USP32: variants seen among roughly 807,000 people sequenced by gnomAD.
The protein encoded by USP32 is ubiquitin specific peptidase 32, also known as ubiquitin carboxyl-terminal hydrolase 32.
USP32 carries 59 observed loss-of-function variants against 204.8 expected under a neutral mutation model. The observed-to-expected ratio is 0.29, with a 90% CI of 0.23 to 0.36. The LOEUF (loss-of-function observed/expected upper bound fraction) is 0.36. Among genes scored for constraint, USP32 ranks in the 10% least tolerant of loss-of-function variants. The pLI is 1.00. For synonymous variants in USP32, 517 were observed against 678.4 expected (o/e 0.76, Z 3.70); for missense variants, 1,160 against 1,946.4 (o/e 0.60, Z 7.60).
intron 12 of USP32, among the ~76,000 whole-genome samples, chr17:60,234,688 C>T (rs2085672837): frequency 6.6e-6 from 1 of 151,686 alleles, no homozygotes; most frequent in African/African-American, 2.4e-5. Flanking sequence ...CGAGATCGCG[C>T]CACTGCACTC....
At chr17:60,249,287 C>G (rs2086110079) in intron 11 of USP32, 1 of 154,736 alleles carries the variant, frequency 6.5e-6, no homozygotes, top group South Asian at 2.0e-4. Flanking sequence ...ACATGCAAGG[C>G]TTCACCTTCA....
chr17:60,327,609 C>G (rs1567854403), intron 2 of USP32, among the ~76,000 whole-genome samples: 1 of 152,178 alleles, frequency 6.6e-6, no homozygotes. Flanking sequence ...GCCCCCACAC[C>G]AGGCTGCAAG....
At chr17:60,374,194 A>G (rs768200574) in intron 1 of USP32, among the ~76,000 whole-genome samples, 274 of 152,056 alleles carry the variant, frequency 1.8e-3, no homozygotes, top group Non-Finnish European at 3.2e-3. Context: ...CAAAAAAAAA[A>G]GAAAAAAGAC....
chr17:60,321,197 A>G (rs2088104820), intron 2 of USP32, among the ~76,000 whole-genome samples: 2 of 152,328 alleles, frequency 1.3e-5, no homozygotes, highest in South Asian at 4.1e-4. Context: ...ATATAAGCCT[A>G]AATTGCTTAT....
chr17:60,265,599 C>T lies in USP32; in HGVS notation c.928-125G>A, dbSNP rs180905112. 9.5e-3 allele frequency: 6,234 copies of T among 659,206 alleles called. 41 individuals carry two copies. The highest frequency in any genetic ancestry group is 0.013 in the Non-Finnish European group (4,929 of 390,476). The allele number at this position is 659,206 out of a possible 1,614,324, so 40.8% of individuals were successfully genotyped here. Reference sequence around the variant, plus strand: ...TTCTTGTAGAGATGGGGTCTCCTTACGTTGCCCAGGATTATCTCAAACTCC... The same window carrying T: ...TTCTTGTAGAGATGGGGTCTCCTTATGTTGCCCAGGATTATCTCAAACTCC... On this transcript the variant is annotated intron_variant, in intron 8 of 33. Transcript: ENST00000300896.
chr17:60,421,352 G>A, intron 1 of USP32: 1 of 985,374 alleles, frequency 1.0e-6, no homozygotes, highest in Non-Finnish European at 1.2e-6. Context: ...CCAAAGCTCC[G>A]GGCCTCCGGG....
chr17:60,380,275 T>C (rs1397310947), intron 1 of USP32, among the ~76,000 whole-genome samples: 7 of 152,000 alleles, frequency 4.6e-5, no homozygotes, highest in African/African-American at 1.7e-4. Context: ...TAAAAACAAA[T>C]TAGAAAAGAA....
At chr17:60,385,838 C>CAA (rs113759758) in intron 1 of USP32, among the ~76,000 whole-genome samples, 2 of 99,334 alleles carry the variant, frequency 2.0e-5, no homozygotes, top group Non-Finnish European at 4.3e-5. Context: ...GACTCTGTCT[C>CAA]AAAAAAAAAA....
Position 60,183,329 on chromosome 17 carries a change from C to A in USP32, c.3959G>T (p.Cys1320Phe), listed in dbSNP as rs768114842. The A allele has an allele frequency of 3.1e-6, 5 of 1,613,956 alleles. No individual in the cohort carries two copies. Among genetic ancestry groups the A allele is most frequent in the Non-Finnish European group, 4.2e-6 (5 of 1,179,852 alleles). ...CTGGGGTGTGAGTGGTTTATGCTGG[C>A]AGAGAGCCGGGTCTCTTGGTACCAA... ...AFLVPRDPAL[C>F]QHKPLTPQGD... is the part of the protein sequence containing the mutation. The change falls in exon 31 of 34, where the codon TGC (cysteine) becomes TTC (phenylalanine). Residue 1320 changes from cysteine (C) to phenylalanine (F), a missense_variant. Cys to Phe is a radical substitution (Grantham distance 205). Coordinates refer to ENST00000300896, the MANE Select transcript of USP32 (RefSeq NM_032582.4).
intron 1 of USP32, among the ~76,000 whole-genome samples, chr17:60,385,418 C>T (rs1019852710): frequency 2.6e-5 from 4 of 152,196 alleles, no homozygotes; most frequent in African/African-American, 9.6e-5. Flanking sequence ...TGGTGGCACA[C>T]GCCTGTAGTC....
chr17:60,347,534 T>C (rs1472334095), intron 1 of USP32, among the ~76,000 whole-genome samples: 1 of 151,582 alleles, frequency 6.6e-6, no homozygotes, highest in East Asian at 2.0e-4. Context: ...TTTGTATTTT[T>C]AGTAGAGACA....
At chr17:60,338,340 A>AT (rs982572804) in intron 2 of USP32, among the ~76,000 whole-genome samples, 5 of 151,858 alleles carry the variant, frequency 3.3e-5, no homozygotes, top group Admixed American at 2.6e-4. Context: ...AAAAAAAAAA[A>AT]ATACTACATA....
At chr17:60,320,342 A>T (rs2088082715) in intron 2 of USP32, among the ~76,000 whole-genome samples, 1 of 152,246 alleles carries the variant, frequency 6.6e-6, no homozygotes, top group South Asian at 2.1e-4. Flanking sequence ...CATACATTTG[A>T]GGAAAATTAA....
At chr17:60,283,409 T>C (rs2087021396) in intron 5 of USP32, among the ~76,000 whole-genome samples, 1 of 152,228 alleles carries the variant, frequency 6.6e-6, no homozygotes, top group African/African-American at 2.4e-5. Flanking sequence ...AGAAATTTAA[T>C]GTCAATTTAA....
chr17:60,312,543 T>C (rs2145920953), intron 2 of USP32, among the ~76,000 whole-genome samples: 1 of 151,828 alleles, frequency 6.6e-6, no homozygotes, highest in Middle Eastern at 3.4e-3. Flanking sequence ...CTCCCAAGAG[T>C]CCTTGGGAGT....
chr17:60,202,866 G>A (rs1034299311), intron 26 of USP32, among the ~76,000 whole-genome samples: 9 of 144,770 alleles, frequency 6.2e-5, no homozygotes, highest in Non-Finnish European at 1.2e-4. Context: ...ATGTCAAGAT[G>A]AGATCATCCT....
intron 2 of USP32, among the ~76,000 whole-genome samples, chr17:60,303,079 C>T (rs780214774): frequency 5.3e-4 from 81 of 152,118 alleles, no homozygotes; most frequent in Non-Finnish European, 1.1e-3. Context: ...CAACTGATGT[C>T]AAAAACTATC....
intron 2 of USP32, among the ~76,000 whole-genome samples, chr17:60,337,062 G>C (rs1299980687): frequency 6.6e-6 from 1 of 152,214 alleles, no homozygotes; most frequent in African/African-American, 2.4e-5. Flanking sequence ...ATGCTGGTAA[G>C]TCCAACATAA....
At chr17:60,333,175 C>A (rs191642687) in intron 2 of USP32, among the ~76,000 whole-genome samples, 2 of 152,264 alleles carry the variant, frequency 1.3e-5, no homozygotes, top group African/African-American at 2.4e-5. Context: ...ACTTTGGACT[C>A]CAGAAAAGCT....
Sources: gnomAD v4.1 joint callset for allele counts (sites outside exome capture counted in the v4.1 genomes callset) on GRCh38, gnomAD v4.1.1 for gene constraint, MANE v1.5 for transcripts, NCBI Gene and HGNC (gene_info 2026-07-23, HGNC 2026-07-21) for gene names.